Variants in ST6GAL2 observed in about 807,000 individuals in gnomAD.
ST6GAL2 encodes the protein ST6 beta-galactoside alpha-2,6-sialyltransferase 2, also known as beta-galactoside alpha-2,6-sialyltransferase 2.
In ST6GAL2, 24 loss-of-function variants were observed where a neutral mutation model predicts 37.5. The ratio of observed to expected loss-of-function variants is 0.64; its 90% CI spans 0.46 to 0.90. The LOEUF (loss-of-function observed/expected upper bound fraction) is 0.90. Among genes scored for constraint, ST6GAL2 ranks in the 40% least tolerant of loss-of-function variants. The pLI is 0.00. For synonymous variants in ST6GAL2, 306 were observed against 295.1 expected, an observed-to-expected ratio of 1.04 and a Z score of -0.38; for missense variants, 715 against 712.7, an observed-to-expected ratio of 1.00 and a Z score of -0.04.
At chr2:106,838,603 G>GT (rs1205535302) in intron 2 of ST6GAL2, among the ~76,000 whole-genome samples, 1 of 152,222 alleles carries the variant, frequency 6.6e-6, no homozygotes, top group African/African-American at 2.4e-5. Context: ...CTGAGAGCTA[G>GT]TGTTTCTGGA....
chr2:106,843,650 C>CT lies in ST6GAL2; in HGVS notation c.327dup (p.Glu110ArgfsTer20). The CT allele has an allele frequency of 6.2e-7, 1 of 1,613,672 alleles. No individual in the cohort carries two copies. The highest frequency in any genetic ancestry group is 8.5e-7 in the Non-Finnish European group (1 of 1,180,030). On this transcript the variant is annotated frameshift_variant, in exon 2 of 6. Transcript: ENST00000409382. LOFTEE classifies it high-confidence loss of function. ...CTCCCCACCTGGGATGAAAAAAACT[C>CT]TTTATGTTCAAACCCATCTTGGGAC...
intron 3 of ST6GAL2, among the ~76,000 whole-genome samples, chr2:106,832,929 A>G (rs1182095218): frequency 2.0e-5 from 3 of 152,184 alleles, no homozygotes; most frequent in Non-Finnish European, 4.4e-5. Flanking sequence ...TATTGAATCC[A>G]GATCCTGAAC....
chr2:106,839,161 G>C (rs979927342), intron 2 of ST6GAL2, among the ~76,000 whole-genome samples: 14 of 152,050 alleles, frequency 9.2e-5, no homozygotes, highest in African/African-American at 3.1e-4. Context: ...GGCTTGCAAG[G>C]GCATCCAGGA....
intron 1 of ST6GAL2, among the ~76,000 whole-genome samples, chr2:106,873,557 C>T (rs531631594): frequency 3.3e-5 from 5 of 152,298 alleles, no homozygotes; most frequent in African/African-American, 9.6e-5. Context: ...TTTATAAATT[C>T]TCCATGGACA....
chr2:106,811,552 A>G (rs1176828789), intron 5 of ST6GAL2, among the ~76,000 whole-genome samples: 4 of 152,196 alleles, frequency 2.6e-5, no homozygotes, highest in Admixed American at 6.5e-5. Context: ...AAATAAAACT[A>G]AAGATTTCAC....
intron 1 of ST6GAL2, among the ~76,000 whole-genome samples, chr2:106,874,080 A>G (rs1269153956): frequency 6.6e-6 from 1 of 152,202 alleles, no homozygotes; most frequent in Non-Finnish European, 1.5e-5. Context: ...AGGGCTCAGT[A>G]CCACACAACA....
intron 5 of ST6GAL2, among the ~76,000 whole-genome samples, chr2:106,811,415 T>A (rs1464989177): frequency 6.6e-6 from 1 of 151,926 alleles, no homozygotes; most frequent in East Asian, 1.9e-4. Flanking sequence ...GGGGACAGGA[T>A]TAGGGAAGAA....
chr2:106,862,134 T>C (rs948603979), intron 1 of ST6GAL2, among the ~76,000 whole-genome samples: 3 of 152,166 alleles, frequency 2.0e-5, no homozygotes, highest in Non-Finnish European at 4.4e-5. Context: ...AAATTACGAG[T>C]GATCATTCCG....
At chr2:106,863,955 T>C (rs2104590433) in intron 1 of ST6GAL2, among the ~76,000 whole-genome samples, 1 of 152,270 alleles carries the variant, frequency 6.6e-6, no homozygotes, top group Admixed American at 6.5e-5. Context: ...ACTACCTGGG[T>C]TCTATCCCAG....
chr2:106,824,175 T>C (rs1676114833), intron 5 of ST6GAL2, among the ~76,000 whole-genome samples: 1 of 152,186 alleles, frequency 6.6e-6, no homozygotes, highest in Admixed American at 6.5e-5. Flanking sequence ...CAAACACAAA[T>C]GCACTTTTAA....
chr2:106,843,636 G>A lies in ST6GAL2; in HGVS notation c.342C>T (p.Ser114=), dbSNP rs1677017431. 6.2e-7 allele frequency: 1 copy of A among 1,613,780 alleles called. No individual in the cohort carries two copies. Among genetic ancestry groups the A allele is most frequent in the South Asian group, 1.1e-5 (1 of 91,090 alleles). The part of the protein sequence containing the change: ...DGFEHKEFFS[S]QVGRKSQSAF... ...CACTTTGAGATTTTCTCCCCACCTG[G>A]GATGAAAAAAACTCTTTATGTTCAA... The change falls in exon 2 of 6, where the codon TCC becomes TCT. Residue 114 remains serine, a synonymous_variant. Transcript: ENST00000409382.
chr2:106,884,476 A>G (rs1189024300), intron 1 of ST6GAL2, among the ~76,000 whole-genome samples: 2 of 152,256 alleles, frequency 1.3e-5, no homozygotes, highest in East Asian at 3.9e-4. Context: ...TCTTTCCAGG[A>G]GTATCCATCC....
intron 1 of ST6GAL2, among the ~76,000 whole-genome samples, chr2:106,879,582 A>G (rs1464422785): frequency 6.6e-6 from 1 of 151,740 alleles, no homozygotes; most frequent in Non-Finnish European, 1.5e-5. Context: ...CAGAGGGGGT[A>G]AGCTGCCCTT....
chr2:106,821,655 C>A (rs1018239724), intron 5 of ST6GAL2, among the ~76,000 whole-genome samples: 32 of 151,874 alleles, frequency 2.1e-4, no homozygotes, highest in Non-Finnish European at 1.5e-5. Flanking sequence ...GGGAATACTT[C>A]CAACCTCATT....
chr2:106,836,472 G>T (rs1422845183), intron 2 of ST6GAL2, among the ~76,000 whole-genome samples: 1 of 151,910 alleles, frequency 6.6e-6, no homozygotes, highest in Non-Finnish European at 1.5e-5. Context: ...AAAACTTGTG[G>T]TCTATTTTTC....
At chr2:106,873,915 C>T (rs1678385007) in intron 1 of ST6GAL2, among the ~76,000 whole-genome samples, 8 of 152,196 alleles carry the variant, frequency 5.3e-5, no homozygotes, top group Admixed American at 5.2e-4. Context: ...ATTTGAGGAG[C>T]TCTATTCATG....
intron 1 of ST6GAL2, among the ~76,000 whole-genome samples, chr2:106,846,377 G>A (rs1323429059): frequency 6.6e-6 from 1 of 152,128 alleles, no homozygotes; most frequent in South Asian, 2.1e-4. Flanking sequence ...GGGGCATATT[G>A]CATGATGCTG....
chr2:106,833,813 AT>A (rs1430367767), intron 3 of ST6GAL2, among the ~76,000 whole-genome samples: 6 of 151,902 alleles, frequency 3.9e-5, no homozygotes, highest in African/African-American at 1.5e-4. Context: ...ATTTCTACTG[AT>A]TTTTCCTTTT....
At chr2:106,875,174 CT>C (rs11330010) in intron 1 of ST6GAL2, among the ~76,000 whole-genome samples, 30,771 of 128,596 alleles carry the variant, frequency 0.24, 2,920 homozygotes, top group East Asian at 0.54. Context: ...TTTTTTGTTT[CT>C]TTTTTTTTTT....
Sources: allele counts gnomAD v4.1 joint callset (sites outside exome capture counted in the v4.1 genomes callset), GRCh38; gene constraint gnomAD v4.1.1; transcripts MANE v1.5; gene names NCBI Gene and HGNC (gene_info 2026-07-23, HGNC 2026-07-21).